FBXO42: variants seen among roughly 807,000 people sequenced by gnomAD.
FBXO42 encodes F-box protein 42.
FBXO42 carries 12 observed loss-of-function variants against 71.7 expected under a neutral mutation model. The observed-to-expected ratio is 0.17, with a 90% CI of 0.11 to 0.27. FBXO42 has a LOEUF of 0.27. Among genes scored for constraint, FBXO42 ranks in the 10% least tolerant of loss-of-function variants. The probability of loss-of-function intolerance (pLI) is 1.00; values close to 1 mark genes in which losing one functional copy is unlikely to be tolerated. For missense variants in FBXO42, 707 were observed against 911.9 expected, an observed-to-expected ratio of 0.78 and a Z score of 2.89; for synonymous variants, 325 against 327.5, an observed-to-expected ratio of 0.99 and a Z score of 0.08.
At chr1:16,274,950 C>G (rs1217803328) in intron 4 of FBXO42, among the ~76,000 whole-genome samples, 2 of 152,136 alleles carry the variant, frequency 1.3e-5, no homozygotes, top group Non-Finnish European at 2.9e-5. Context: ...AATGTAAAAG[C>G]TGGCAGTAAA....
At chr1:16,304,199 C>T (rs1229778855) in intron 3 of FBXO42, among the ~76,000 whole-genome samples, 3 of 151,126 alleles carry the variant, frequency 2.0e-5, no homozygotes, top group African/African-American at 7.3e-5. Context: ...TCACTGCAAC[C>T]TCCGCCTCCC....
At chr1:16,270,335 T>C (rs946703038) in intron 4 of FBXO42, among the ~76,000 whole-genome samples, 2 of 152,132 alleles carry the variant, frequency 1.3e-5, no homozygotes, top group African/African-American at 2.4e-5. Context: ...ATTCAAACCA[T>C]GGCAAGCCCC....
At chr1:16,304,553 T>C (rs2082230323) in intron 3 of FBXO42, among the ~76,000 whole-genome samples, 1 of 152,198 alleles carries the variant, frequency 6.6e-6, no homozygotes, top group Non-Finnish European at 1.5e-5. Context: ...GACTACTCCC[T>C]AAGCAAAATC....
At chr1:16,276,036 C>T (rs1406094811) in intron 4 of FBXO42, among the ~76,000 whole-genome samples, 1 of 151,980 alleles carries the variant, frequency 6.6e-6, no homozygotes, top group East Asian at 1.9e-4. Flanking sequence ...ATAAACGACC[C>T]ATCACAGCTC....
intron 4 of FBXO42, among the ~76,000 whole-genome samples, chr1:16,283,844 G>A (rs1317818267): frequency 2.0e-5 from 3 of 151,984 alleles, no homozygotes; most frequent in African/African-American, 7.3e-5. Context: ...AAATGGGTTT[G>A]GGTTAATCTC....
At chr1:16,347,442 A>G (rs1446707229) in intron 1 of FBXO42, among the ~76,000 whole-genome samples, 1 of 152,040 alleles carries the variant, frequency 6.6e-6, no homozygotes, top group Non-Finnish European at 1.5e-5. Context: ...TTGAACCCAG[A>G]AGCAAAGGTT....
Position 16,246,901 on chromosome 1 carries a change from C to CA in FBXO42, c.*3768dup, listed in dbSNP as rs1375978367. 2.0e-5 allele frequency: 3 copies of CA among 152,146 alleles called. No homozygotes were observed. The highest frequency in any genetic ancestry group is 4.4e-5 in the Non-Finnish European group (3 of 68,028). 9.4% of individuals were successfully genotyped at this position (152,146 alleles called of 1,614,324 possible). A position where few individuals can be genotyped will look rare whatever the true frequency, so the allele number is the denominator to read the frequency against. Reference sequence around the variant, plus strand: ...AAAAGTCATCAGGGGAAAACATTAACAAAAAATGAAATTGACAGATTTAAA... The same window carrying CA: ...AAAAGTCATCAGGGGAAAACATTAACAAAAAAATGAAATTGACAGATTTAAA... On this transcript the variant is annotated 3_prime_UTR_variant, in exon 10 of 10. Coordinates refer to ENST00000375592, the MANE Select transcript of FBXO42 (RefSeq NM_018994.3).
At chr1:16,279,843 G>GTTTTT (rs1199990516) in intron 4 of FBXO42, among the ~76,000 whole-genome samples, 4 of 68,556 alleles carry the variant, frequency 5.8e-5, no homozygotes, top group East Asian at 6.3e-4. Context: ...GTTGACAATG[G>GTTTTT]TTTTTTTTTT....
intron 4 of FBXO42, among the ~76,000 whole-genome samples, chr1:16,269,528 A>G (rs2100468687): frequency 6.6e-6 from 1 of 151,566 alleles, no homozygotes; most frequent in East Asian, 1.9e-4. Context: ...GCTACTCATA[A>G]TTTTTTGTTT....
At chr1:16,312,933 T>C in intron 2 of FBXO42, among the ~76,000 whole-genome samples, 1 of 152,006 alleles carries the variant, frequency 6.6e-6, no homozygotes, top group Non-Finnish European at 1.5e-5. Context: ...TAGCTAGGAC[T>C]ACAGGCACCC....
intron 4 of FBXO42, among the ~76,000 whole-genome samples, chr1:16,292,028 T>C (rs533009848): frequency 6.6e-6 from 1 of 152,300 alleles, no homozygotes; most frequent in African/African-American, 2.4e-5. Context: ...AAGCTCAGGT[T>C]TTCCTCCTTC....
intron 4 of FBXO42, among the ~76,000 whole-genome samples, chr1:16,276,741 G>A (rs901508484): frequency 7.9e-5 from 12 of 152,220 alleles, no homozygotes; most frequent in African/African-American, 2.9e-4. Context: ...ATGGATACCT[G>A]AGAATAAGAG....
chr1:16,251,561 T>A lies in FBXO42; in HGVS notation c.1263A>T (p.Ser421=), dbSNP rs775964452. 64 of 1,613,990 alleles carry A rather than the reference T, an allele frequency of 4.0e-5. No homozygotes were observed. The highest frequency in any genetic ancestry group is 5.2e-5 in the Non-Finnish European group (61 of 1,180,002). ...LRPRAQRQTP[S]GSREGSLSPA... ...GGGAAAGGCTCCCTTCCCGGGAACC[T>A]GAAGGAGTCTGCCTTTGAGCCCTGG... is the stretch of plus-strand genomic sequence containing the variant. Residue 421 remains serine (S), a synonymous_variant, in exon 10 of 10, where the codon TCA becomes TCT. Transcript: ENST00000375592. This position sits in a 1 kb window ranked among gnomAD's most constrained non-coding sequence, Gnocchi z 4.5.
intron 4 of FBXO42, among the ~76,000 whole-genome samples, chr1:16,262,378 G>C (rs553391881): frequency 3.5e-4 from 54 of 152,248 alleles, no homozygotes; most frequent in African/African-American, 1.3e-3. Flanking sequence ...CCCTCTCGAT[G>C]ATCTTAAAGC....
At chr1:16,322,561 G>T (rs2082416807) in intron 1 of FBXO42, among the ~76,000 whole-genome samples, 1 of 152,142 alleles carries the variant, frequency 6.6e-6, no homozygotes, top group South Asian at 2.1e-4. Flanking sequence ...GGGCAACAGA[G>T]CGAGACTCTG....
chr1:16,322,070 G>A (rs907921039), intron 1 of FBXO42, among the ~76,000 whole-genome samples: 1 of 151,516 alleles, frequency 6.6e-6, no homozygotes, highest in African/African-American at 2.4e-5. Context: ...CCTGGGACAT[G>A]TAAAAAAAAT....
chr1:16,307,562 T>C (rs2082264946), intron 2 of FBXO42, among the ~76,000 whole-genome samples: 1 of 151,048 alleles, frequency 6.6e-6, no homozygotes, highest in Non-Finnish European at 1.5e-5. Context: ...TGGAGAGGAA[T>C]TGATTATGGA....
Position 16,247,555 on chromosome 1 carries a change from C to T in FBXO42, c.*3115G>A, listed in dbSNP as rs1470485154. 1 of 152,238 alleles carries T rather than the reference C, an allele frequency of 6.6e-6. No homozygotes were observed. The allele number at this position is 152,238 out of a possible 1,614,324, so 9.4% of individuals were successfully genotyped here. On this transcript the variant is annotated 3_prime_UTR_variant, in exon 10 of 10. Transcript: ENST00000375592. ...GGTTTTCTTTCTTCCTCCTCCTCCT[C>T]CTCTTTTCTTTATTTTAAAGAGTTC...
intron 1 of FBXO42, among the ~76,000 whole-genome samples, chr1:16,337,865 A>AC (rs2100623710): frequency 8.1e-6 from 1 of 124,186 alleles, no homozygotes; most frequent in South Asian, 2.9e-4. Context: ...GCCTGGGAGA[A>AC]AGAGCGAGAC....
Sources: allele counts gnomAD v4.1 joint callset (sites outside exome capture counted in the v4.1 genomes callset), GRCh38; gene constraint gnomAD v4.1.1; non-coding constraint Gnocchi (gnomAD v3.1); transcripts MANE v1.5; gene names NCBI Gene and HGNC (gene_info 2026-07-23, HGNC 2026-07-21).